The following LDB1 variants were observed in gnomAD, a reference collection of about 807,000 sequenced individuals.
LDB1 encodes the protein LIM domain binding 1.
LDB1 carries 6 observed loss-of-function variants against 49.7 expected under a neutral mutation model. The observed-to-expected ratio is 0.12, with a 90% CI of 0.07 to 0.24. The LOEUF (loss-of-function observed/expected upper bound fraction) is 0.24. Among genes scored for constraint, LDB1 ranks in the 10% least tolerant of loss-of-function variants. The pLI is 1.00. For missense variants in LDB1, 341 were observed against 561.7 expected (o/e 0.61, Z 3.97); for synonymous variants, 233 against 202.0 (o/e 1.15, Z -1.30).
chr10:102,111,849 T>G (rs1161837225), intron 1 of LDB1, among the ~76,000 whole-genome samples: 1 of 152,008 alleles, frequency 6.6e-6, no homozygotes, highest in African/African-American at 2.4e-5. Context: ...AGACCCTGTC[T>G]CAAAAAGAAA....
intron 1 of LDB1, 38 bp downstream of exon 1, chr10:102,120,047 TG>T: frequency 2.1e-6 from 3 of 1,410,986 alleles, no homozygotes; most frequent in Non-Finnish European, 9.4e-7. Context: ...CAGGGACGGC[TG>T]GGCAGGAAGG....
At position 102,107,412 on chromosome 10, in the gene LDB1, C is replaced by A. The variant is rs1024667805; in HGVS notation, c.*681G>T. ...AAGGGGGAGAGATGGTGAAATGTCT[C>A]CTTGGTCTGAAGCTCTCACACCATA... On this transcript the variant is annotated 3_prime_UTR_variant, in exon 11 of 11. Transcript: ENST00000673968. 6.6e-6 allele frequency: 1 copy of A among 152,202 alleles called. No homozygotes were observed. The highest frequency in any genetic ancestry group is 1.5e-5 in the Non-Finnish European group (1 of 68,146). The allele number at this position is 152,202 out of a possible 1,614,324, so 9.4% of individuals were successfully genotyped here. A position where few individuals can be genotyped will look rare whatever the true frequency, so the allele number is the denominator to read the frequency against.
At chr10:102,111,348 A>C in intron 2 of LDB1, 48 bp from the exon 3 acceptor site, 1 of 1,605,974 alleles carries the variant, frequency 6.2e-7, no homozygotes, top group Non-Finnish European at 8.5e-7. Flanking sequence ...GATAGGAATT[A>C]TTGGGGGCAG....
At chr10:102,120,724 T>C (rs2068409670), upstream of LDB1, among the ~76,000 whole-genome samples, 1 of 152,012 alleles carries the variant, frequency 6.6e-6, no homozygotes, top group African/African-American at 2.4e-5. Context: ...AGGGGAGGGC[T>C]TGGAGGCGCA....
chr10:102,116,191 C>CT (rs1164203907), intron 1 of LDB1, among the ~76,000 whole-genome samples: 1 of 152,132 alleles, frequency 6.6e-6, no homozygotes. Context: ...TGTGATATAT[C>CT]TTTTTTCCAA....
chr10:102,108,028 T>A lies in LDB1; in HGVS notation c.*65A>T. The A allele has an allele frequency of 8.0e-7, 1 of 1,248,998 alleles. No individual in the cohort carries two copies. Among genetic ancestry groups the A allele is most frequent in the Non-Finnish European group, 1.2e-6 (1 of 856,740 alleles). The allele number at this position is 1,248,998 out of a possible 1,614,324, so 77.4% of individuals were successfully genotyped here. A position where few individuals can be genotyped will look rare whatever the true frequency, so the allele number is the denominator to read the frequency against. Reference sequence around the variant, plus strand: ...TGCTCAGTCTCTTCATTCTGTCTTCTGCTCCCTGGGGCTGTGAGGGGTGGG... The same window carrying A: ...TGCTCAGTCTCTTCATTCTGTCTTCAGCTCCCTGGGGCTGTGAGGGGTGGG... On this transcript the variant is annotated 3_prime_UTR_variant, in exon 11 of 11. Coordinates refer to ENST00000673968, the MANE Select transcript of LDB1 (RefSeq NM_001113407.3).
At chr10:102,114,486 C>T (rs1017306673) in intron 1 of LDB1, 2 of 985,976 alleles carry the variant, frequency 2.0e-6, no homozygotes, top group African/African-American at 1.7e-5. Flanking sequence ...TGAGGGCTGA[C>T]GGGGGGACAA....
chr10:102,102,677 A>G (rs1181598433), downstream of LDB1, among the ~76,000 whole-genome samples: 1 of 152,098 alleles, frequency 6.6e-6, no homozygotes, highest in Non-Finnish European at 1.5e-5. Flanking sequence ...TCTCCCATCC[A>G]TTTCATCTAT....
In LDB1 at chr10:102,109,580, C is replaced by A. The variant is rs374224087; in HGVS notation, c.732+20G>T. 5.1e-5 allele frequency: 83 copies of A among 1,614,044 alleles called. 1 individual carries two copies. In the South Asian group the frequency reaches 8.7e-4, roughly 17 times the overall value. ...GAGACTAAATGGACTGGGGCAGAAA[C>A]TGGGTGGTCGGAGACTCACTCGGAG... On this transcript the variant is annotated intron_variant, in intron 8 of 10. Transcript: ENST00000673968. This position sits in a 1 kb window ranked among gnomAD's most constrained non-coding sequence, Gnocchi z 5.8.
At chr10:102,106,107 T>A (rs962145519), downstream of LDB1, among the ~76,000 whole-genome samples, 3 of 151,848 alleles carry the variant, frequency 2.0e-5, no homozygotes, top group Non-Finnish European at 4.4e-5. Flanking sequence ...CTGGGCCAAG[T>A]CCCCTCTCCC....
In LDB1 at chr10:102,117,607, G is replaced by A. The variant is rs528961811; in HGVS notation, c.25+2479C>T. Among the ~76,000 whole-genome samples, 3 of 152,052 alleles carry A rather than the reference G, an allele frequency of 2.0e-5. No individual in the cohort carries two copies. Among genetic ancestry groups the A allele is most frequent in the African/African-American group, 2.4e-5 (1 of 41,488 alleles). On this transcript the variant is annotated intron_variant, in intron 1 of 10. Coordinates refer to ENST00000673968, the MANE Select transcript of LDB1 (RefSeq NM_001113407.3). This position sits in a 1 kb window ranked among gnomAD's most constrained non-coding sequence, Gnocchi z 4.2. ...TGCCCCCCTTCCTTTGTCTGTGCCC[G>A]GCCTCCCGTTGGCCTGGCGCTCTGC...
At chr10:102,103,006 A>G (rs1564908193), downstream of LDB1, among the ~76,000 whole-genome samples, 1 of 152,150 alleles carries the variant, frequency 6.6e-6, no homozygotes, top group East Asian at 1.9e-4. Flanking sequence ...TTCGAAGTCC[A>G]TCATGAAACT....
chr10:102,117,592 C>T lies in LDB1; in HGVS notation c.25+2494G>A, dbSNP rs920097503. On this transcript the variant is annotated intron_variant, in intron 1 of 10. Coordinates refer to ENST00000673968, the MANE Select transcript of LDB1 (RefSeq NM_001113407.3). This position sits in a 1 kb window ranked among gnomAD's most constrained non-coding sequence, Gnocchi z 4.2. The stretch of plus-strand genomic sequence containing the variant: ...GGCCTCCAGTGTGCCTGCCCCCCTT[C>T]CTTTGTCTGTGCCCGGCCTCCCGTT... Among the ~76,000 whole-genome samples the T allele has an allele frequency of 1.3e-5, 2 of 152,134 alleles. No homozygotes were observed. The highest frequency in any genetic ancestry group is 6.5e-5 in the Admixed American group (1 of 15,288).
chr10:102,119,711 C>G (rs2068386666), intron 1 of LDB1, among the ~76,000 whole-genome samples: 1 of 147,964 alleles, frequency 6.8e-6, no homozygotes, highest in Non-Finnish European at 1.5e-5. Flanking sequence ...GGGGGGGCAG[C>G]CCAAACCAGC....
At chr10:102,114,883 C>T in intron 1 of LDB1, 1 of 980,752 alleles carries the variant, frequency 1.0e-6, no homozygotes. Flanking sequence ...CCGGCACTCA[C>T]ACTCACTCAC....
At chr10:102,105,571 G>C (rs940544548), downstream of LDB1, among the ~76,000 whole-genome samples, 47 of 151,954 alleles carry the variant, frequency 3.1e-4, no homozygotes, top group Non-Finnish European at 6.3e-4. Context: ...CCAATCTACA[G>C]CGGGGTCTCC....
chr10:102,120,752 C>G (rs1259566970), upstream of LDB1, among the ~76,000 whole-genome samples: 2 of 152,110 alleles, frequency 1.3e-5, no homozygotes, highest in African/African-American at 2.4e-5. Flanking sequence ...GCTCGGTGTC[C>G]GTCCTCCGGG....
chr10:102,108,308 C>G lies in LDB1; in HGVS notation c.1021G>C (p.Gly341Arg). 6.2e-7 allele frequency: 1 copy of G among 1,613,782 alleles called. No homozygotes were observed. Among genetic ancestry groups the G allele is most frequent in the Non-Finnish European group, 8.5e-7 (1 of 1,179,722 alleles). ...SSQVPDVMVV[G>R]EPTLMGGEFG... is the part of the protein sequence containing the mutation. ...TCCCCGCCCATCAGGGTGGGCTCCC[C>G]CACCACCATCACATCCTGAGAGTGG... The change falls in exon 11 of 11, where the codon GGG (glycine) becomes CGG (arginine). Residue 341 changes from glycine (G) to arginine (R), a missense_variant. Transcript: ENST00000673968.
intron 1 of LDB1, among the ~76,000 whole-genome samples, chr10:102,115,234 C>G (rs1280158600): frequency 6.6e-6 from 1 of 152,188 alleles, no homozygotes; most frequent in Non-Finnish European, 1.5e-5. Context: ...CCGCCTCCCC[C>G]GAGCCCCAGG....
Sources: gnomAD v4.1 joint callset for allele counts (sites outside exome capture counted in the v4.1 genomes callset) on GRCh38, gnomAD v4.1.1 for gene constraint, Gnocchi (gnomAD v3.1) non-coding constraint, MANE v1.5 for transcripts, NCBI Gene and HGNC (gene_info 2026-07-23, HGNC 2026-07-21) for gene names.